Variants in FAF1 observed in about 807,000 individuals in gnomAD.
The protein encoded by FAF1 is Fas associated factor 1, also known as FAS-associated factor 1.
In FAF1, 25 loss-of-function variants were observed where a neutral mutation model predicts 92.5. The ratio of observed to expected loss-of-function variants is 0.27; its 90% CI spans 0.20 to 0.38. The LOEUF is 0.38. Among genes scored for constraint, FAF1 ranks in the 10% least tolerant of loss-of-function variants. FAF1 has a pLI of 1.00. For missense variants in FAF1, 636 were observed against 793.3 expected, an observed-to-expected ratio of 0.80 and a Z score of 2.38; for synonymous variants, 234 against 273.2, an observed-to-expected ratio of 0.86 and a Z score of 1.42.
intron 1 of FAF1, among the ~76,000 whole-genome samples, chr1:50,933,777 A>G (rs533533843): frequency 3.3e-5 from 5 of 152,248 alleles, no homozygotes; most frequent in Admixed American, 6.5e-5. Flanking sequence ...TTCGATTTAC[A>G]GTTCCACATG....
At chr1:50,655,410 G>A in intron 8 of FAF1, 32 bp downstream of exon 8, 1 of 1,370,366 alleles carries the variant, frequency 7.3e-7, no homozygotes, top group East Asian at 2.3e-5. Flanking sequence ...GAGAAAGGAG[G>A]ATATAAAACT....
intron 3 of FAF1, 132 bp from the exon 4 acceptor site, chr1:50,788,337 G>A (rs1661438545): frequency 9.9e-6 from 7 of 703,904 alleles, no homozygotes; most frequent in Middle Eastern, 3.8e-4. Context: ...GTCAAGGCCA[G>A]ACTTGAGTTC....
At chr1:50,639,960 CTTTGTTGTTA>C (rs1004167741) in intron 8 of FAF1, among the ~76,000 whole-genome samples, 2 of 145,160 alleles carry the variant, frequency 1.4e-5, no homozygotes, top group African/African-American at 5.3e-5. Flanking sequence ...AAAGTAACAG[CTTTGTTGTTA>C]TTTGTTGTTA....
intron 17 of FAF1, among the ~76,000 whole-genome samples, chr1:50,476,699 C>T (rs1444702216): frequency 6.6e-6 from 1 of 151,198 alleles, no homozygotes; most frequent in African/African-American, 2.4e-5. Flanking sequence ...CATTCGTATG[C>T]CATTATAAAT....
At chr1:50,743,573 T>C (rs1288403579) in intron 5 of FAF1, among the ~76,000 whole-genome samples, 1 of 151,614 alleles carries the variant, frequency 6.6e-6, no homozygotes, top group Non-Finnish European at 1.5e-5. Flanking sequence ...GGTGATTCAC[T>C]TGCCTCGGCC....
At chr1:50,897,137 A>G (rs977084594) in intron 1 of FAF1, among the ~76,000 whole-genome samples, 1 of 152,226 alleles carries the variant, frequency 6.6e-6, no homozygotes, top group African/African-American at 2.4e-5. Context: ...GAAAACTATA[A>G]AAGTCTAATG....
intron 4 of FAF1, among the ~76,000 whole-genome samples, chr1:50,748,220 G>T (rs1659704876): frequency 1.3e-5 from 2 of 152,296 alleles, no homozygotes; most frequent in Admixed American, 6.5e-5. Flanking sequence ...AAAATGCCAG[G>T]CGTGGTGGCT....
At chr1:50,774,320 G>T (rs540147953) in intron 4 of FAF1, among the ~76,000 whole-genome samples, 2 of 152,266 alleles carry the variant, frequency 1.3e-5, no homozygotes, top group South Asian at 4.1e-4. Flanking sequence ...TACTCATAAA[G>T]CATGGCTGAG....
intron 15 of FAF1, among the ~76,000 whole-genome samples, chr1:50,493,596 T>C (rs1646865124): frequency 6.6e-6 from 1 of 152,218 alleles, no homozygotes; most frequent in Admixed American, 6.5e-5. Context: ...CATAATTATT[T>C]ATTTAATGCT....
At chr1:50,838,431 TATA>T (rs1212043258) in intron 2 of FAF1, among the ~76,000 whole-genome samples, 1 of 149,786 alleles carries the variant, frequency 6.7e-6, no homozygotes, top group Non-Finnish European at 1.5e-5. Flanking sequence ...TTAATGTAAA[TATA>T]ATTTTACATG....
intron 4 of FAF1, among the ~76,000 whole-genome samples, chr1:50,751,612 G>C (rs191053924): frequency 3.0e-4 from 46 of 152,280 alleles, no homozygotes; most frequent in African/African-American, 1.1e-3. Flanking sequence ...AAAGTGCTGG[G>C]ATTACAGGCG....
At chr1:50,619,796 G>C (rs1653103661) in intron 8 of FAF1, among the ~76,000 whole-genome samples, 2 of 152,036 alleles carry the variant, frequency 1.3e-5, no homozygotes, top group Non-Finnish European at 2.9e-5. Context: ...TTTTTGTAGT[G>C]AGATTAGGGA....
At chr1:50,685,708 C>T (rs1293289663) in intron 7 of FAF1, among the ~76,000 whole-genome samples, 1 of 152,128 alleles carries the variant, frequency 6.6e-6, no homozygotes, top group Non-Finnish European at 1.5e-5. Flanking sequence ...CTAGTAGATG[C>T]TTTAAGAATC....
intron 1 of FAF1, among the ~76,000 whole-genome samples, chr1:50,896,700 TG>T (rs1644760150): frequency 6.6e-6 from 1 of 152,246 alleles, no homozygotes; most frequent in Non-Finnish European, 1.5e-5. Context: ...AAATACTGAC[TG>T]TATCATTCCA....
At chr1:50,815,794 C>T (rs1233356464) in intron 2 of FAF1, among the ~76,000 whole-genome samples, 4 of 152,102 alleles carry the variant, frequency 2.6e-5, no homozygotes, top group Admixed American at 1.3e-4. Context: ...GAGGCCGAGA[C>T]GGGCGGATCA....
chr1:50,715,681 T>G (rs951578394), intron 6 of FAF1, among the ~76,000 whole-genome samples: 1 of 152,166 alleles, frequency 6.6e-6, no homozygotes, highest in Non-Finnish European at 1.5e-5. Flanking sequence ...CCTGGGGAGA[T>G]CCCATTCCAA....
chr1:50,504,320 T>C (rs771779516), intron 15 of FAF1, among the ~76,000 whole-genome samples: 1 of 151,966 alleles, frequency 6.6e-6, no homozygotes, highest in Non-Finnish European at 1.5e-5. Context: ...AAAGAGATCA[T>C]GTTTTTGAAT....
intron 3 of FAF1, among the ~76,000 whole-genome samples, chr1:50,793,952 C>T (rs566992878): frequency 6.6e-6 from 1 of 152,286 alleles, no homozygotes; most frequent in South Asian, 2.1e-4. Flanking sequence ...TTTACTGGAA[C>T]ATTTTGGATA....
intron 7 of FAF1, among the ~76,000 whole-genome samples, chr1:50,689,504 G>T (rs1402866866): frequency 6.6e-6 from 1 of 152,020 alleles, no homozygotes; most frequent in Non-Finnish European, 1.5e-5. Flanking sequence ...GAATGCCGTG[G>T]ACCCGGGAGG....
Sources: allele counts gnomAD v4.1 joint callset (sites outside exome capture counted in the v4.1 genomes callset), GRCh38; gene constraint gnomAD v4.1.1; transcripts MANE v1.5; gene names NCBI Gene and HGNC (gene_info 2026-07-23, HGNC 2026-07-21).